The following GPC6 variants were observed in gnomAD, a reference collection of about 807,000 sequenced individuals.
GPC6 encodes the protein glypican-6.
In GPC6, 14 loss-of-function variants were observed where a neutral mutation model predicts 55.2. That is an observed-to-expected ratio of 0.25 (90% CI 0.17 to 0.40). The LOEUF (loss-of-function observed/expected upper bound fraction) is 0.40. Among genes scored for constraint, GPC6 ranks in the 10% least tolerant of loss-of-function variants. The probability of loss-of-function intolerance (pLI) is 1.00; values close to 1 mark genes in which losing one functional copy is unlikely to be tolerated. For synonymous variants in GPC6, 278 were observed against 259.6 expected, an observed-to-expected ratio of 1.07 and a Z score of -0.68; for missense variants, 641 against 708.5, an observed-to-expected ratio of 0.90 and a Z score of 1.08.
intron 3 of GPC6, among the ~76,000 whole-genome samples, chr13:93,967,568 A>G (rs1880102678): frequency 6.6e-6 from 1 of 152,174 alleles, no homozygotes; most frequent in Non-Finnish European, 1.5e-5. Context: ...CTGGTGCAAC[A>G]AATGTTTCTG....
chr13:93,494,007 G>C (rs1305873160), intron 1 of GPC6, among the ~76,000 whole-genome samples: 1 of 128,064 alleles, frequency 7.8e-6, no homozygotes, highest in African/African-American at 2.9e-5. Flanking sequence ...CTGTTGATTT[G>C]TGGTGGAGAG....
At chr13:93,258,286 C>A (rs1877023471) in intron 1 of GPC6, among the ~76,000 whole-genome samples, 1 of 152,160 alleles carries the variant, frequency 6.6e-6, no homozygotes, top group African/African-American at 2.4e-5. Context: ...CACAAAGAAG[C>A]AGCAACAGTG....
chr13:93,315,871 G>A (rs932803209), intron 1 of GPC6, among the ~76,000 whole-genome samples: 1 of 151,756 alleles, frequency 6.6e-6, no homozygotes, highest in African/African-American at 2.4e-5. Flanking sequence ...TTTTGTTGAT[G>A]ACATATATGA....
chr13:93,834,300 A>G (rs998691848), intron 3 of GPC6, among the ~76,000 whole-genome samples: 1 of 152,216 alleles, frequency 6.6e-6, no homozygotes, highest in Non-Finnish European at 1.5e-5. Flanking sequence ...GAAAGTGCTC[A>G]TGAATGAGTT....
At chr13:93,372,926 A>C in intron 1 of GPC6, among the ~76,000 whole-genome samples, 1 of 152,324 alleles carries the variant, frequency 6.6e-6, no homozygotes, top group Admixed American at 6.5e-5. Context: ...GTGACCAGAC[A>C]GATGGGTGAC....
At chr13:93,931,541 A>G (rs1294808654) in intron 3 of GPC6, among the ~76,000 whole-genome samples, 1 of 151,980 alleles carries the variant, frequency 6.6e-6, no homozygotes, top group Non-Finnish European at 1.5e-5. Context: ...AGGCGGGTGT[A>G]TCACCTGAGG....
At chr13:93,949,459 T>TA in intron 3 of GPC6, among the ~76,000 whole-genome samples, 1 of 152,320 alleles carries the variant, frequency 6.6e-6, no homozygotes, top group East Asian at 1.9e-4. Flanking sequence ...TCAAGTGGCA[T>TA]AAAATCTGAG....
Position 93,399,298 on chromosome 13 carries a change from T to A in GPC6, c.161-145965T>A, listed in dbSNP as rs1241723219. On this transcript the variant is annotated intron_variant, in intron 1 of 8. Coordinates refer to ENST00000377047, the MANE Select transcript of GPC6 (RefSeq NM_005708.5). ...TTGCAATTTGTAATCTTACTCTTTG[T>A]GTTCACTTGTTTTAACACTGTTCTT... 2.0e-5 allele frequency among the ~76,000 whole-genome samples: 3 copies of A among 152,268 alleles called. No individual in the cohort carries two copies. The East Asian group carries it at 5.8e-4, about 29-fold the overall frequency.
At chr13:93,717,486 T>C (rs1279065885) in intron 2 of GPC6, among the ~76,000 whole-genome samples, 2 of 151,604 alleles carry the variant, frequency 1.3e-5, no homozygotes, top group East Asian at 3.9e-4. Flanking sequence ...GAAAAAGTCA[T>C]GTGGAATGAA....
At chr13:93,232,099 C>CT (rs5805794) in intron 1 of GPC6, among the ~76,000 whole-genome samples, 76,739 of 147,004 alleles carry the variant, frequency 0.52, 20,007 homozygotes, top group African/African-American at 0.59. Flanking sequence ...ATTTACACAA[C>CT]TTTTTTTTTT....
chr13:94,350,724 T>C (rs1047442842), intron 6 of GPC6, among the ~76,000 whole-genome samples: 31 of 152,156 alleles, frequency 2.0e-4, no homozygotes, highest in Non-Finnish European at 4.1e-4. Context: ...CTTCCAGCTG[T>C]GTGCAGAATG....
chr13:93,696,120 T>G (rs1210514928), intron 2 of GPC6, among the ~76,000 whole-genome samples: 1 of 152,180 alleles, frequency 6.6e-6, no homozygotes, highest in African/African-American at 2.4e-5. Flanking sequence ...GAGATAAGTC[T>G]CTGCGAACAT....
chr13:93,556,881 G>C (rs1875512835), intron 2 of GPC6, among the ~76,000 whole-genome samples: 1 of 152,010 alleles, frequency 6.6e-6, no homozygotes, highest in South Asian at 2.1e-4. Context: ...CAAATGACTG[G>C]ATCTCATTCT....
At chr13:94,064,417 C>T (rs1252880420) in intron 4 of GPC6, among the ~76,000 whole-genome samples, 4 of 152,142 alleles carry the variant, frequency 2.6e-5, no homozygotes, top group Non-Finnish European at 4.4e-5. Flanking sequence ...GATACCAGCT[C>T]CGTAGCTCGA....
In GPC6 at chr13:93,906,621, A is replaced by G. The variant is rs201777515; in HGVS notation, c.711+76076A>G. ...AGTCACCATCTTGATGTCTTTATAT[A>G]GAAAAGCATTCAAATGAAATTCAGA... On this transcript the variant is annotated intron_variant, in intron 3 of 8. Coordinates refer to ENST00000377047, the MANE Select transcript of GPC6 (RefSeq NM_005708.5). Among the ~76,000 whole-genome samples, 13 of 152,300 alleles carry G rather than the reference A, an allele frequency of 8.5e-5. No homozygotes were observed. The East Asian group carries it at 2.1e-3, about 25-fold the overall frequency.
intron 2 of GPC6, among the ~76,000 whole-genome samples, chr13:93,713,167 G>C (rs1352843568): frequency 6.6e-6 from 1 of 151,390 alleles, no homozygotes; most frequent in Non-Finnish European, 1.5e-5. Flanking sequence ...CCAAAATATA[G>C]GATTCAATAT....
the GPC6 span, among the ~76,000 whole-genome samples, chr13:93,218,159 A>G: frequency 6.6e-6 from 1 of 151,404 alleles, no homozygotes; most frequent in African/African-American, 2.4e-5. Context: ...TATGCACCAG[A>G]TTTGCTTTCT....
intron 2 of GPC6, among the ~76,000 whole-genome samples, chr13:93,630,619 A>G (rs907849373): frequency 4.6e-5 from 7 of 152,162 alleles, no homozygotes; most frequent in Non-Finnish European, 8.8e-5. Flanking sequence ...ATTTGGTATT[A>G]AAAATTGACG....
chr13:93,541,615 A>G (rs1882304913), intron 1 of GPC6, among the ~76,000 whole-genome samples: 1 of 104,906 alleles, frequency 9.5e-6, no homozygotes, highest in Non-Finnish European at 1.9e-5. Context: ...GACTTCCACA[A>G]TGGTTGAACT....
Sources: gnomAD v4.1 joint callset for allele counts (sites outside exome capture counted in the v4.1 genomes callset) on GRCh38, gnomAD v4.1.1 for gene constraint, MANE v1.5 for transcripts, NCBI Gene and HGNC (gene_info 2026-07-23, HGNC 2026-07-21) for gene names.